The following TAFA1 variants were observed in gnomAD, a reference collection of about 807,000 sequenced individuals.
TAFA1 encodes the protein chemokine-like protein TAFA-1.
TAFA1 carries 4 observed loss-of-function variants against 18.5 expected under a neutral mutation model. The observed-to-expected ratio is 0.22, with a 90% confidence interval of 0.11 to 0.49. The LOEUF (loss-of-function observed/expected upper bound fraction) is 0.49. Among genes scored for constraint, TAFA1 ranks in the 20% least tolerant of loss-of-function variants. TAFA1 has a pLI of 0.98. For missense variants in TAFA1, 147 were observed against 169.0 expected (o/e 0.87, Z 0.72); for synonymous variants, 56 against 55.2 (o/e 1.01, Z -0.06).
At chr3:68,168,144 C>CAAA (rs10662237) in intron 2 of TAFA1, among the ~76,000 whole-genome samples, 24,446 of 116,244 alleles carry the variant, frequency 0.21, 3,002 homozygotes, top group Middle Eastern at 0.27. Context: ...TTTTCAGATA[C>CAAA]AAAAAAAAAA....
In TAFA1 at chr3:68,475,987, G is replaced by A. The variant is rs561418674; in HGVS notation, c.259+58567G>A. ...TGAGAAGTGTCTGTTCATGTCCTTC[G>A]CCCACTTTTTGATGGGATTGTTTGT... On this transcript the variant is annotated intron_variant, in intron 3 of 4. Coordinates refer to ENST00000478136, the MANE Select transcript of TAFA1 (RefSeq NM_213609.4). Among the ~76,000 whole-genome samples, 29 of 152,172 alleles carry A rather than the reference G, an allele frequency of 1.9e-4. No homozygotes were observed. The South Asian group carries it at 5.8e-3, about 30-fold the overall frequency.
intron 2 of TAFA1, among the ~76,000 whole-genome samples, chr3:68,255,971 CTAA>C (rs1232665213): frequency 6.6e-6 from 1 of 152,174 alleles, no homozygotes; most frequent in African/African-American, 2.4e-5. Flanking sequence ...AATCTATTTA[CTAA>C]TAATTGTTTC....
intron 2 of TAFA1, among the ~76,000 whole-genome samples, chr3:68,056,011 C>A (rs982889350): frequency 3.3e-5 from 5 of 152,170 alleles, no homozygotes; most frequent in African/African-American, 1.2e-4. Flanking sequence ...CTTCTTTCAG[C>A]TCATTGATGG....
chr3:68,071,813 C>T (rs1241863245), intron 2 of TAFA1, among the ~76,000 whole-genome samples: 1 of 152,030 alleles, frequency 6.6e-6, no homozygotes. Context: ...TGGCAGAAGG[C>T]AAAGCGAGGA....
At chr3:68,408,804 G>T (rs767557679) in intron 2 of TAFA1, among the ~76,000 whole-genome samples, 1 of 152,140 alleles carries the variant, frequency 6.6e-6, no homozygotes, top group Non-Finnish European at 1.5e-5. Flanking sequence ...TTGGGAGTCA[G>T]GCTGAAAAAG....
At chr3:68,494,611 G>A (rs2072513039) in intron 3 of TAFA1, among the ~76,000 whole-genome samples, 1 of 152,112 alleles carries the variant, frequency 6.6e-6, no homozygotes, top group Non-Finnish European at 1.5e-5. Context: ...AGTCATCTTG[G>A]TTCATGTAGT....
intron 2 of TAFA1, among the ~76,000 whole-genome samples, chr3:68,344,538 T>C (rs1171049264): frequency 6.6e-6 from 1 of 152,204 alleles, no homozygotes; most frequent in Non-Finnish European, 1.5e-5. Context: ...TGTTCAGGAC[T>C]GCATCATTAA....
At chr3:68,174,959 T>C (rs966304716) in intron 2 of TAFA1, among the ~76,000 whole-genome samples, 1 of 152,176 alleles carries the variant, frequency 6.6e-6, no homozygotes, top group South Asian at 2.1e-4. Context: ...GCCTAGGGAC[T>C]TGGTGCCCTG....
chr3:68,238,860 T>C (rs539220698), intron 2 of TAFA1, among the ~76,000 whole-genome samples: 15 of 152,258 alleles, frequency 9.9e-5, no homozygotes, highest in Admixed American at 3.9e-4. Context: ...TTTAAACCCA[T>C]AGTTTAAGGT....
At chr3:68,347,912 T>A (rs2069192568) in intron 2 of TAFA1, among the ~76,000 whole-genome samples, 1 of 152,158 alleles carries the variant, frequency 6.6e-6, no homozygotes, top group South Asian at 2.1e-4. Context: ...TTTATCTCTC[T>A]CCATTTGAAA....
At chr3:68,161,877 C>T (rs891374109) in intron 2 of TAFA1, among the ~76,000 whole-genome samples, 8 of 152,124 alleles carry the variant, frequency 5.3e-5, no homozygotes, top group Non-Finnish European at 1.2e-4. Context: ...TATTAATTTT[C>T]TAGACCATGG....
chr3:68,065,347 A>C (rs757903308), intron 2 of TAFA1, among the ~76,000 whole-genome samples: 2 of 152,054 alleles, frequency 1.3e-5, no homozygotes, highest in Non-Finnish European at 2.9e-5. Flanking sequence ...AGAGTCTGTG[A>C]TCTTTGAGGT....
intron 3 of TAFA1, among the ~76,000 whole-genome samples, chr3:68,491,850 T>C (rs1409900135): frequency 1.3e-5 from 2 of 152,176 alleles, no homozygotes; most frequent in Non-Finnish European, 2.9e-5. Context: ...GCCCCTACTC[T>C]AGACCTACCA....
chr3:68,294,175 T>C (rs1409516667), intron 2 of TAFA1, among the ~76,000 whole-genome samples: 1 of 152,210 alleles, frequency 6.6e-6, no homozygotes, highest in Non-Finnish European at 1.5e-5. Flanking sequence ...TATGCACAAT[T>C]CTTCCATTGG....
intron 3 of TAFA1, among the ~76,000 whole-genome samples, chr3:68,483,924 G>T (rs897947119): frequency 6.6e-6 from 1 of 152,166 alleles, no homozygotes; most frequent in East Asian, 1.9e-4. Context: ...TTTATGCCTT[G>T]GGAAGCCACG....
At chr3:68,376,204 T>A (rs2069813873) in intron 2 of TAFA1, among the ~76,000 whole-genome samples, 1 of 152,134 alleles carries the variant, frequency 6.6e-6, no homozygotes, top group Non-Finnish European at 1.5e-5. Context: ...AGTGGTTCAG[T>A]GTTTAATCTT....
At chr3:68,365,978 G>A (rs761674014) in intron 2 of TAFA1, among the ~76,000 whole-genome samples, 5 of 151,492 alleles carry the variant, frequency 3.3e-5, no homozygotes, top group Admixed American at 1.3e-4. Flanking sequence ...CCAGCTACTC[G>A]GGAGGCTGAG....
chr3:68,429,976 T>C (rs1251918983), intron 3 of TAFA1, among the ~76,000 whole-genome samples: 1 of 151,964 alleles, frequency 6.6e-6, no homozygotes, highest in Non-Finnish European at 1.5e-5. Context: ...TCAGCAATTA[T>C]TTTTGGAGTA....
intron 2 of TAFA1, among the ~76,000 whole-genome samples, chr3:68,392,986 A>C (rs2070294359): frequency 6.6e-6 from 1 of 152,206 alleles, no homozygotes; most frequent in African/African-American, 2.4e-5. Flanking sequence ...AGCTGTCAGA[A>C]GACAAAAAAT....
Sources: gnomAD v4.1 joint callset for allele counts (sites outside exome capture counted in the v4.1 genomes callset) on GRCh38, gnomAD v4.1.1 for gene constraint, MANE v1.5 for transcripts, NCBI Gene and HGNC (gene_info 2026-07-23, HGNC 2026-07-21) for gene names.